The following CCDC178 variants were observed in gnomAD, a reference collection of about 807,000 sequenced individuals.
CCDC178 encodes coiled-coil domain-containing protein 178.
Under a neutral mutation model 117.4 loss-of-function variants are expected in CCDC178, and 126 were observed. That is an observed-to-expected ratio of 1.07 (90% confidence interval 0.93 to 1.24). The LOEUF (loss-of-function observed/expected upper bound fraction) is 1.24, where lower values mean the gene tolerates loss of function less well. CCDC178 is among the 50% of genes most tolerant of loss of function. The pLI is 0.00. For missense variants in CCDC178, 1,030 were observed against 986.9 expected (o/e 1.04, Z -0.59); for synonymous variants, 283 against 313.4 (o/e 0.90, Z 1.02).
chr18:33,396,262 G>A (rs1295719200), intron 4 of CCDC178, among the ~76,000 whole-genome samples: 3 of 152,048 alleles, frequency 2.0e-5, no homozygotes, highest in Admixed American at 6.6e-5. Context: ...TTGCTACATA[G>A]TATGGGGATT....
intron 15 of CCDC178, among the ~76,000 whole-genome samples, chr18:33,237,513 G>A (rs958332555): frequency 6.6e-6 from 1 of 152,118 alleles, no homozygotes; most frequent in Admixed American, 6.5e-5. Flanking sequence ...GATCAGCTTT[G>A]TGCCCATGTC....
intron 21 of CCDC178, among the ~76,000 whole-genome samples, chr18:33,025,447 G>A (rs2056208063): frequency 6.6e-6 from 1 of 152,084 alleles, no homozygotes; most frequent in Non-Finnish European, 1.5e-5. Flanking sequence ...TCTGTTAAGA[G>A]GATGGAAAGA....
intron 21 of CCDC178, among the ~76,000 whole-genome samples, chr18:33,085,238 T>TA (rs2057362413): frequency 6.6e-6 from 1 of 152,336 alleles, no homozygotes; most frequent in South Asian, 2.1e-4. Flanking sequence ...ATATAGTTTG[T>TA]AAAAAACTGT....
Position 33,389,895 on chromosome 18 carries a change from T to C in CCDC178, c.119-266A>G, listed in dbSNP as rs186971521. On this transcript the variant is annotated intron_variant, in intron 4 of 22. Coordinates refer to ENST00000383096, the MANE Select transcript of CCDC178 (RefSeq NM_001105528.4). ...AAACAGATAAGTTATTATGTGTTGA[T>C]ATAGGATGTATCCAGGACACACTGT... 1.4e-3 allele frequency among the ~76,000 whole-genome samples: 208 copies of C among 151,718 alleles called. 2 individuals are homozygous for C. Among genetic ancestry groups the C allele is most frequent in the African/African-American group, 4.8e-3 (199 of 41,504 alleles).
At chr18:33,060,358 T>C (rs2056902649) in intron 21 of CCDC178, among the ~76,000 whole-genome samples, 1 of 152,120 alleles carries the variant, frequency 6.6e-6, no homozygotes, top group Admixed American at 6.5e-5. Context: ...ATAATATTAT[T>C]TGAGGAAACT....
intron 10 of CCDC178, among the ~76,000 whole-genome samples, chr18:33,325,177 T>G (rs1342010540): frequency 6.6e-6 from 1 of 151,898 alleles, no homozygotes; most frequent in Admixed American, 6.6e-5. Flanking sequence ...ATATGGATGC[T>G]TGTGTGAAAT....
At chr18:33,401,709 A>G (rs2063712152) in intron 3 of CCDC178, among the ~76,000 whole-genome samples, 1 of 152,066 alleles carries the variant, frequency 6.6e-6, no homozygotes, top group Non-Finnish European at 1.5e-5. Context: ...TGATACTTTT[A>G]TCTTCTTTGA....
chr18:33,095,825 G>C (rs2057534289), intron 20 of CCDC178, among the ~76,000 whole-genome samples: 2 of 151,658 alleles, frequency 1.3e-5, no homozygotes, highest in Admixed American at 1.3e-4. Context: ...AGTATATAAA[G>C]AGAAATCATA....
At chr18:33,420,953 A>T (rs747815349) in intron 2 of CCDC178, among the ~76,000 whole-genome samples, 6 of 152,216 alleles carry the variant, frequency 3.9e-5, no homozygotes, top group Non-Finnish European at 8.8e-5. Flanking sequence ...ATTTTGGACA[A>T]TGATTTTGAA....
chr18:33,233,430 T>C (rs1268048473), intron 15 of CCDC178, among the ~76,000 whole-genome samples: 1 of 152,106 alleles, frequency 6.6e-6, no homozygotes, highest in Non-Finnish European at 1.5e-5. Flanking sequence ...GAAGAAAATG[T>C]ATATAAAGTA....
chr18:33,428,373 A>G (rs2064150620), intron 2 of CCDC178, among the ~76,000 whole-genome samples: 1 of 152,172 alleles, frequency 6.6e-6, no homozygotes. Flanking sequence ...TACTGGCCCT[A>G]TTTTTGTAGA....
At chr18:33,127,093 GTA>G (rs2058016347) in intron 20 of CCDC178, among the ~76,000 whole-genome samples, 1 of 150,830 alleles carries the variant, frequency 6.6e-6, no homozygotes, top group African/African-American at 2.4e-5. Context: ...TTTAATATGT[GTA>G]TATGTGTGTA....
chr18:33,382,153 C>T (rs1194608462), intron 5 of CCDC178, among the ~76,000 whole-genome samples: 2 of 151,950 alleles, frequency 1.3e-5, no homozygotes, highest in Non-Finnish European at 2.9e-5. Context: ...TTGAAAAATT[C>T]CCAGAGTAGT....
intron 12 of CCDC178, among the ~76,000 whole-genome samples, chr18:33,278,981 A>G (rs991780727): frequency 6.6e-6 from 1 of 152,142 alleles, no homozygotes; most frequent in African/African-American, 2.4e-5. Context: ...ATCTATGACA[A>G]ACCCACAGCC....
rs147020901 is a variant in CCDC178, at chr18:33,334,486, T to A, written c.659-1092A>T. ...AAAAACCATTGAAAGATTTTCTCAT[T>A]ATTTTAACTTTCTGGCATTAACTGA... On this transcript the variant is annotated intron_variant, in intron 9 of 22. Coordinates refer to ENST00000383096, the MANE Select transcript of CCDC178 (RefSeq NM_001105528.4). 2.9e-3 allele frequency among the ~76,000 whole-genome samples: 449 copies of A among 152,204 alleles called. 1 individual carries two copies. The highest frequency in any genetic ancestry group is 0.01 in the African/African-American group (436 of 41,586).
At chr18:33,222,511 T>C (rs1234974628) in intron 18 of CCDC178, among the ~76,000 whole-genome samples, 1 of 152,092 alleles carries the variant, frequency 6.6e-6, no homozygotes, top group Non-Finnish European at 1.5e-5. Context: ...TCAAAGATGG[T>C]GTCTTCTTCC....
chr18:32,971,044 T>C (rs1280194863), intron 22 of CCDC178, among the ~76,000 whole-genome samples: 2 of 152,086 alleles, frequency 1.3e-5, no homozygotes, highest in South Asian at 2.1e-4. Context: ...CTGGGATACA[T>C]GTGCAAAATG....
chr18:33,368,354 A>G (rs1457277394), intron 6 of CCDC178, among the ~76,000 whole-genome samples: 2 of 151,986 alleles, frequency 1.3e-5, no homozygotes, highest in African/African-American at 4.8e-5. Flanking sequence ...TTTATTCAAC[A>G]GACAGTTATT....
rs1568036976 is a variant in CCDC178, at chr18:33,179,093, ATATATATATATATATAAAC to A, written c.2238+32784_2238+32802del. Among the ~76,000 whole-genome samples, 6 of 111,540 alleles carry A rather than the reference ATATATATATATATATAAAC, an allele frequency of 5.4e-5. No individual in the cohort carries two copies. In the East Asian group the frequency reaches 7.0e-4, roughly 13 times the overall value. The allele number at this position is 111,540 out of a possible 152,430, so 73.2% of individuals were successfully genotyped here. A position where few individuals can be genotyped will look rare whatever the true frequency, so the allele number is the denominator to read the frequency against. On this transcript the variant is annotated intron_variant, in intron 20 of 22. Transcript: ENST00000383096. ...AAAAAAAAAAAATATATATATATAT[ATATATATATATATATAAAC>A]TATATATATATATATAAACTATATA...
Sources: gnomAD v4.1 joint callset for allele counts (sites outside exome capture counted in the v4.1 genomes callset) on GRCh38, gnomAD v4.1.1 for gene constraint, MANE v1.5 for transcripts, NCBI Gene and HGNC (gene_info 2026-07-23, HGNC 2026-07-21) for gene names.